The following CHRM2 variants were observed in gnomAD, a reference collection of about 807,000 sequenced individuals.
CHRM2 encodes the protein muscarinic acetylcholine receptor M2.
A neutral mutation model predicts 25.0 loss-of-function variants in CHRM2; 8 were observed. That is an observed-to-expected ratio of 0.32 (90% CI 0.19 to 0.58). The LOEUF is 0.58. Among genes scored for constraint, CHRM2 ranks in the 20% least tolerant of loss-of-function variants. CHRM2 has a pLI of 0.88. For synonymous variants in CHRM2, 202 were observed against 205.7 expected (o/e 0.98, Z 0.15); for missense variants, 440 against 567.1 (o/e 0.78, Z 2.28).
chr7:136,933,600 T>A (rs1267860533), intron 2 of CHRM2, among the ~76,000 whole-genome samples: 1 of 152,200 alleles, frequency 6.6e-6, no homozygotes, highest in African/African-American at 2.4e-5. Context: ...AATATACATC[T>A]ATAAAATGTT....
At chr7:136,921,794 C>CTTTCTTTCTTTCTTTCTTTCTTTCTTTT (rs776923730) in intron 2 of CHRM2, among the ~76,000 whole-genome samples, 14 of 116,628 alleles carry the variant, frequency 1.2e-4, no homozygotes, top group African/African-American at 3.0e-4. Flanking sequence ...TTCTTTCTTT[C>CTTTCTTTCTTTCTTTCTTTCTTTCTTTT]TTTTTTTTGA....
intron 2 of CHRM2, among the ~76,000 whole-genome samples, chr7:136,880,184 T>C (rs903550993): frequency 6.6e-6 from 1 of 151,872 alleles, no homozygotes; most frequent in African/African-American, 2.4e-5. Flanking sequence ...TTCTAGAGTA[T>C]TGGCAATTAT....
chr7:136,873,553 T>A (rs1036416658), intron 2 of CHRM2, among the ~76,000 whole-genome samples: 2 of 152,220 alleles, frequency 1.3e-5, no homozygotes, highest in Non-Finnish European at 2.9e-5. Context: ...TGTTATTTTC[T>A]ACAGGAAGAA....
At position 136,962,158 on chromosome 7, in the gene CHRM2, A is replaced by G. The variant is rs192899598; in HGVS notation, c.-124-30029A>G. ...GTAATTCTGTTTTTTTTTTTTAGAC[A>G]GAGTCTTGCTCTTTTGTCTAAACGA... On this transcript the variant is annotated intron_variant, in intron 2 of 3. Coordinates refer to ENST00000680005, the MANE Select transcript of CHRM2 (RefSeq NM_001006630.2). Among the ~76,000 whole-genome samples, 31 of 150,756 alleles carry G rather than the reference A, an allele frequency of 2.1e-4. No individual in the cohort carries two copies. The East Asian group carries it at 3.7e-3, about 18-fold the overall frequency.
chr7:136,914,024 T>C (rs1797978509), intron 2 of CHRM2: 1 of 151,990 alleles, frequency 6.6e-6, no homozygotes, highest in Non-Finnish European at 1.5e-5. Context: ...TTTCAAAAGA[T>C]TCATAAACAC....
chr7:136,924,682 C>A (rs2130751088), intron 2 of CHRM2, among the ~76,000 whole-genome samples: 1 of 152,252 alleles, frequency 6.6e-6, no homozygotes, highest in South Asian at 2.1e-4. Flanking sequence ...ACTCCCCATA[C>A]AACATGGTGG....
In CHRM2 at chr7:137,018,097, T is replaced by C. The variant is rs779506107; in HGVS notation, c.*1831T>C. Reference sequence around the variant, plus strand: ...TAATAATGTTAGTTACATGGTAAATTTATCAATATTAGACCCCAGCACTTA... The same window carrying C: ...TAATAATGTTAGTTACATGGTAAATCTATCAATATTAGACCCCAGCACTTA... On this transcript the variant is annotated 3_prime_UTR_variant, in exon 4 of 4. Transcript: ENST00000680005. 8 of 151,814 alleles carry C rather than the reference T, an allele frequency of 5.3e-5. No homozygotes were observed. The highest frequency in any genetic ancestry group is 1.2e-4 in the Non-Finnish European group (8 of 67,898). The allele number at this position is 151,814 out of a possible 1,614,324, so 9.4% of individuals were successfully genotyped here. A position where few individuals can be genotyped will look rare whatever the true frequency, so the allele number is the denominator to read the frequency against.
chr7:136,872,942 C>A lies in CHRM2; in HGVS notation c.-125+3524C>A, dbSNP rs562985759. On this transcript the variant is annotated intron_variant, in intron 2 of 3. Coordinates refer to ENST00000680005, the MANE Select transcript of CHRM2 (RefSeq NM_001006630.2). ...TTATCTTCACAAGATCACCCAGACA[C>A]CATTCTCAATCCTGTCTTAAACTTT... is the stretch of plus-strand genomic sequence containing the variant. Among the ~76,000 whole-genome samples the A allele has an allele frequency of 2.0e-5, 3 of 152,344 alleles. No individual in the cohort carries two copies. The South Asian group carries it at 6.2e-4, about 32-fold the overall frequency.
At chr7:136,943,620 AT>A (rs1357442436) in intron 2 of CHRM2, among the ~76,000 whole-genome samples, 1 of 152,090 alleles carries the variant, frequency 6.6e-6, no homozygotes, top group Non-Finnish European at 1.5e-5. Context: ...TGATTCTTTA[AT>A]TTGGTATTAT....
intron 2 of CHRM2, among the ~76,000 whole-genome samples, chr7:136,962,382 G>C (rs1448657047): frequency 6.6e-6 from 1 of 152,132 alleles, no homozygotes; most frequent in Non-Finnish European, 1.5e-5. Flanking sequence ...TGATCAGCCT[G>C]TCTCAGCCTC....
intron 2 of CHRM2, among the ~76,000 whole-genome samples, chr7:136,984,331 G>A (rs140533738): frequency 0.04 from 6,090 of 152,248 alleles, 158 homozygotes; most frequent in Non-Finnish European, 0.059. Flanking sequence ...AGACTGCTGT[G>A]CTGGCAGCGA....
At chr7:136,926,905 A>C (rs1798780376) in intron 2 of CHRM2, among the ~76,000 whole-genome samples, 1 of 152,222 alleles carries the variant, frequency 6.6e-6, no homozygotes, top group African/African-American at 2.4e-5. Flanking sequence ...CATGCTGCCT[A>C]AACTAGCATA....
chr7:136,997,309 A>T (rs1377745024), intron 3 of CHRM2, among the ~76,000 whole-genome samples: 1 of 152,204 alleles, frequency 6.6e-6, no homozygotes, highest in African/African-American at 2.4e-5. Context: ...GTCTTTGACA[A>T]TGGAAAATAT....
In CHRM2 at chr7:136,892,671, C is replaced by CTTT. The variant is rs5887814; in HGVS notation, c.-125+23267_-125+23269dup. 2.6e-4 allele frequency among the ~76,000 whole-genome samples: 37 copies of CTTT among 140,264 alleles called. 1 individual carries two copies. Among genetic ancestry groups the CTTT allele is most frequent in the African/African-American group, 7.9e-4 (30 of 38,024 alleles). The allele number at this position is 140,264 out of a possible 152,430, so 92.0% of individuals were successfully genotyped here. ...TGATAAAGTGCTCTTATTAAAAGTT[C>CTTT]TTTTTTTTTTTTTTTTGATACAGGG... On this transcript the variant is annotated intron_variant, in intron 2 of 3. Transcript: ENST00000680005.
chr7:136,967,753 T>G (rs1299925226), intron 2 of CHRM2, among the ~76,000 whole-genome samples: 1 of 152,056 alleles, frequency 6.6e-6, no homozygotes, highest in East Asian at 1.9e-4. Flanking sequence ...TCTGTGACTT[T>G]GCACCTTTTC....
chr7:136,965,971 C>G (rs1164553151), intron 2 of CHRM2, among the ~76,000 whole-genome samples: 1 of 151,888 alleles, frequency 6.6e-6, no homozygotes, highest in East Asian at 1.9e-4. Context: ...CAAGGAAAAC[C>G]TAGAGCTCTT....
chr7:136,900,611 G>A (rs1175957176), intron 2 of CHRM2, among the ~76,000 whole-genome samples: 1 of 152,022 alleles, frequency 6.6e-6, no homozygotes, highest in African/African-American at 2.4e-5. Flanking sequence ...ATTAAGCTGG[G>A]CATCTCAGAG....
intron 2 of CHRM2, among the ~76,000 whole-genome samples, chr7:136,910,372 T>C (rs919498780): frequency 6.6e-6 from 1 of 151,864 alleles, no homozygotes; most frequent in Non-Finnish European, 1.5e-5. Flanking sequence ...GGAGTTTGAA[T>C]TGAAGCCAAG....
At chr7:136,988,863 G>C (rs532306262) in intron 2 of CHRM2, among the ~76,000 whole-genome samples, 1 of 151,898 alleles carries the variant, frequency 6.6e-6, no homozygotes, top group Non-Finnish European at 1.5e-5. Context: ...TAATAAATAT[G>C]CCTATACATA....
Sources: gnomAD v4.1 joint callset for allele counts (sites outside exome capture counted in the v4.1 genomes callset) on GRCh38, gnomAD v4.1.1 for gene constraint, MANE v1.5 for transcripts, NCBI Gene and HGNC (gene_info 2026-07-23, HGNC 2026-07-21) for gene names.